KCNN2: variants seen among roughly 807,000 people sequenced by gnomAD.
KCNN2 encodes potassium calcium-activated channel subfamily N member 2, also known as small conductance calcium-activated potassium channel protein 2.
Under a neutral mutation model 55.5 loss-of-function variants are expected in KCNN2, and 24 were observed. The ratio of observed to expected loss-of-function variants is 0.43; its 90% confidence interval spans 0.31 to 0.61. The LOEUF is 0.61. KCNN2 is among the 20% of genes least tolerant of loss of function. The pLI, the probability that KCNN2 is intolerant of heterozygous loss-of-function variation, is 0.08. For missense variants in KCNN2, 754 were observed against 853.6 expected, an observed-to-expected ratio of 0.88 and a Z score of 1.45; for synonymous variants, 431 against 336.1, an observed-to-expected ratio of 1.28 and a Z score of -3.09.
At chr5:114,393,134 A>G (rs568230265) in intron 2 of KCNN2, among the ~76,000 whole-genome samples, 12 of 152,240 alleles carry the variant, frequency 7.9e-5, no homozygotes, top group Admixed American at 3.3e-4. Flanking sequence ...TCTTTCATGT[A>G]TATTGCTCTT....
At chr5:114,280,744 A>G (rs1275704121) in intron 2 of KCNN2, among the ~76,000 whole-genome samples, 2 of 152,102 alleles carry the variant, frequency 1.3e-5, no homozygotes, top group Non-Finnish European at 2.9e-5. Flanking sequence ...TTGCCCCTAA[A>G]CACTCAGAGT....
intron 1 of KCNN2, among the ~76,000 whole-genome samples, chr5:114,215,415 A>G (rs1391627047): frequency 2.6e-5 from 4 of 152,062 alleles, no homozygotes; most frequent in South Asian, 4.1e-4. Flanking sequence ...ACTTTTTTTC[A>G]TTGTGAAACA....
At chr5:114,402,705 G>A in intron 2 of KCNN2, among the ~76,000 whole-genome samples, 1 of 152,204 alleles carries the variant, frequency 6.6e-6, no homozygotes. Context: ...AACAACCCAT[G>A]GTGGATGTGG....
At chr5:114,162,608 T>C (rs1000410026) in intron 1 of KCNN2, among the ~76,000 whole-genome samples, 29 of 152,198 alleles carry the variant, frequency 1.9e-4, no homozygotes, top group Admixed American at 1.2e-3. Context: ...AGTTGGACCC[T>C]ACAGAAGCAG....
intron 4 of KCNN2, among the ~76,000 whole-genome samples, chr5:114,471,534 GATA>G (rs1761746939): frequency 3.9e-5 from 6 of 152,078 alleles, no homozygotes; most frequent in Admixed American, 3.3e-4. Context: ...CCTAAATATA[GATA>G]TAGATATTAT....
chr5:114,486,074 GT>G (rs1762426924), intron 5 of KCNN2, among the ~76,000 whole-genome samples: 1 of 152,126 alleles, frequency 6.6e-6, no homozygotes, highest in Admixed American at 6.6e-5. Flanking sequence ...GTAGAACCCG[GT>G]TATCAATCTC....
intron 1 of KCNN2, among the ~76,000 whole-genome samples, chr5:114,214,539 T>G (rs1229650667): frequency 2.6e-5 from 4 of 152,148 alleles, no homozygotes; most frequent in Non-Finnish European, 4.4e-5. Flanking sequence ...GAAAATTGAC[T>G]AAGAGGAAAA....
chr5:114,080,767 A>G (rs974118212), intron 1 of KCNN2, among the ~76,000 whole-genome samples: 1 of 152,186 alleles, frequency 6.6e-6, no homozygotes, highest in Non-Finnish European at 1.5e-5. Context: ...CCTTATGATC[A>G]GGAACAAGGC....
intron 1 of KCNN2, among the ~76,000 whole-genome samples, chr5:114,175,407 A>G (rs1279793990): frequency 6.6e-6 from 1 of 152,220 alleles, no homozygotes; most frequent in Non-Finnish European, 1.5e-5. Flanking sequence ...GTACTCATAA[A>G]TTTCTGAATA....
intron 1 of KCNN2, among the ~76,000 whole-genome samples, chr5:114,113,113 T>G (rs1424386191): frequency 6.6e-6 from 1 of 152,034 alleles, no homozygotes; most frequent in Non-Finnish European, 1.5e-5. Flanking sequence ...TTCAAAAAAT[T>G]TTTTATCTGC....
At chr5:114,252,614 G>A (rs948991829) in intron 2 of KCNN2, among the ~76,000 whole-genome samples, 2 of 152,096 alleles carry the variant, frequency 1.3e-5, no homozygotes, top group Non-Finnish European at 2.9e-5. Context: ...TAGGAGAGCA[G>A]AACTAAACTG....
intron 2 of KCNN2, among the ~76,000 whole-genome samples, chr5:114,245,194 G>T (rs577541909): frequency 6.6e-6 from 1 of 152,138 alleles, no homozygotes; most frequent in African/African-American, 2.4e-5. Context: ...GTAAAAGCAG[G>T]AATATTTTCT....
At chr5:114,302,308 A>G (rs552972605) in intron 2 of KCNN2, among the ~76,000 whole-genome samples, 1 of 152,330 alleles carries the variant, frequency 6.6e-6, no homozygotes, top group South Asian at 2.1e-4. Flanking sequence ...TACCGTGGCT[A>G]GCACAATACA....
At chr5:114,478,769 A>C (rs574154615) in intron 5 of KCNN2, among the ~76,000 whole-genome samples, 1 of 152,270 alleles carries the variant, frequency 6.6e-6, no homozygotes, top group Non-Finnish European at 1.5e-5. Context: ...AGAATTTCCA[A>C]CCTAGAATTT....
intron 3 of KCNN2, among the ~76,000 whole-genome samples, chr5:114,415,793 A>G (rs1383579952): frequency 6.6e-6 from 1 of 152,226 alleles, no homozygotes; most frequent in Non-Finnish European, 1.5e-5. Flanking sequence ...ATGTTATCAA[A>G]TATATGATTT....
intron 1 of KCNN2, among the ~76,000 whole-genome samples, chr5:114,070,153 G>C (rs559425559): frequency 6.6e-6 from 1 of 152,226 alleles, no homozygotes; most frequent in East Asian, 1.9e-4. Context: ...GTCTTGCTCT[G>C]ATAGTTGAGA....
chr5:114,172,594 T>TTATA (rs70976318), intron 1 of KCNN2, among the ~76,000 whole-genome samples: 11 of 147,436 alleles, frequency 7.5e-5, no homozygotes, highest in Admixed American at 1.4e-4. Context: ...ACATATTTAG[T>TTATA]TATATATATA....
intron 2 of KCNN2, among the ~76,000 whole-genome samples, chr5:114,224,680 T>C (rs910108239): frequency 1.4e-4 from 22 of 152,168 alleles, no homozygotes; most frequent in African/African-American, 5.1e-4. Context: ...TTCTGGAACA[T>C]TGGGCTCAGT....
At chr5:114,108,225 A>T (rs1471691872) in intron 1 of KCNN2, among the ~76,000 whole-genome samples, 2 of 152,044 alleles carry the variant, frequency 1.3e-5, no homozygotes, top group East Asian at 3.9e-4. Context: ...AGTATAAAAT[A>T]TTTACTGTAG....
Sources: allele counts gnomAD v4.1 joint callset (sites outside exome capture counted in the v4.1 genomes callset), GRCh38; gene constraint gnomAD v4.1.1; transcripts MANE v1.5; gene names NCBI Gene and HGNC (gene_info 2026-07-23, HGNC 2026-07-21).